PFKP: variants seen among roughly 807,000 people sequenced by gnomAD.
The protein encoded by PFKP is phosphofructokinase, platelet, also known as ATP-dependent 6-phosphofructokinase, platelet type.
A neutral mutation model predicts 94.3 loss-of-function variants in PFKP; 101 were observed. The ratio of observed to expected loss-of-function variants is 1.07; its 90% CI spans 0.91 to 1.26. PFKP has a LOEUF of 1.26. Ranked by LOEUF, PFKP falls within the 50% of genes most tolerant of loss-of-function variation. The pLI, the probability that PFKP is intolerant of heterozygous loss-of-function variation, is 0.00. For missense variants in PFKP, 1,145 were observed against 1,103.3 expected, an observed-to-expected ratio of 1.04 and a Z score of -0.53; for synonymous variants, 573 against 432.6, an observed-to-expected ratio of 1.32 and a Z score of -4.03.
At chr10:3,090,693 C>T (rs988934526) in intron 2 of PFKP, among the ~76,000 whole-genome samples, 1 of 152,102 alleles carries the variant, frequency 6.6e-6, no homozygotes, top group Non-Finnish European at 1.5e-5. Flanking sequence ...CCCCTGTGTC[C>T]ACCTACCCCA....
chr10:3,108,739 C>G lies in PFKP; in HGVS notation c.909C>G (p.Thr303=), dbSNP rs756388785. 1.2e-6 allele frequency: 2 copies of G among 1,613,990 alleles called. No individual in the cohort carries two copies. Among genetic ancestry groups the G allele is most frequent in the Non-Finnish European group, 1.7e-6 (2 of 1,179,940 alleles). The change falls in exon 9 of 22, where the codon ACC becomes ACG. Residue 303 remains threonine, a synonymous_variant. Coordinates refer to ENST00000381125, the MANE Select transcript of PFKP (RefSeq NM_002627.5). Reference sequence around the variant, plus strand: ...AGCTGGGCTATGACACACGTGTGACCATCCTCGGGCACGTGCAGAGAGGAG... The same window carrying G: ...AGCTGGGCTATGACACACGTGTGACGATCCTCGGGCACGTGCAGAGAGGAG... The part of the protein sequence containing the change: ...VTQLGYDTRV[T]ILGHVQRGGT...
chr10:3,119,517 A>G (rs1837179620), intron 15 of PFKP, among the ~76,000 whole-genome samples: 2 of 152,164 alleles, frequency 1.3e-5, no homozygotes, highest in African/African-American at 2.4e-5. Context: ...AGGCAGGAGA[A>G]TCGCTTGAAC....
Position 3,113,454 on chromosome 10 carries a change from G to A in PFKP, c.1307G>A (p.Gly436Asp). 6.2e-7 allele frequency: 1 copy of A among 1,612,804 alleles called. No individual in the cohort carries two copies. The highest frequency in any genetic ancestry group is 8.5e-7 in the Non-Finnish European group (1 of 1,179,618). ...GCCGTACGCTCAGCTGTGCGCGTGG[G>A]CATTGCCGACGGCCACAGGATGCTC... is the stretch of plus-strand genomic sequence containing the variant. ...NAAVRSAVRV[G>D]IADGHRMLAI... The change falls in exon 13 of 22, where the codon GGC becomes GAC. Residue 436 changes from glycine to aspartate, a missense_variant. Gly to Asp is a moderately conservative substitution (Grantham distance 94). This residue lies in a region of PFKP where 1,119 missense variants were observed against 1,062.8 expected (regional missense o/e 1.05). Transcript: ENST00000381125.
chr10:3,121,198 C>T (rs1837362479), intron 16 of PFKP, among the ~76,000 whole-genome samples: 1 of 152,212 alleles, frequency 6.6e-6, no homozygotes, highest in Non-Finnish European at 1.5e-5. Flanking sequence ...TGTTCACTGG[C>T]TTTGGGGGCA....
At chr10:3,075,904 C>CAAAAA (rs577636701) in intron 1 of PFKP, among the ~76,000 whole-genome samples, 1 of 70,336 alleles carries the variant, frequency 1.4e-5, no homozygotes, top group East Asian at 3.8e-4. Flanking sequence ...GACCCTATCG[C>CAAAAA]AAAAAAAAAA....
intron 7 of PFKP, among the ~76,000 whole-genome samples, chr10:3,106,084 C>A (rs565835658): frequency 6.6e-6 from 1 of 152,370 alleles, no homozygotes; most frequent in African/African-American, 2.4e-5. Flanking sequence ...TCCCGACTCT[C>A]TGCTGCTGGA....
chr10:3,101,513 G>A lies in PFKP; in HGVS notation c.413G>A (p.Arg138Gln), dbSNP rs138856118. The change falls in exon 4 of 22, where the codon CGG (arginine) becomes CAG (glutamine). Residue 138 changes from arginine (R) to glutamine (Q), a missense_variant. Transcript: ENST00000381125. ...AGCCTCACCGGGGCCAACCTCTTCC[G>A]GAAGGAGTGGAGTGGGCTGCTGGAG... Reference protein sequence around the residue: ...DGSLTGANLFRKEWSGLLEEL... With the variant: ...DGSLTGANLFQKEWSGLLEEL... The A allele has an allele frequency of 3.8e-5, 61 of 1,586,154 alleles. No homozygotes were observed. The highest frequency in any genetic ancestry group is 2.0e-4 in the Middle Eastern group (1 of 5,048).
intron 18 of PFKP, 90 bp from the exon 19 acceptor site, chr10:3,133,113 G>A (rs1838787632): frequency 1.2e-6 from 1 of 867,912 alleles, no homozygotes; most frequent in East Asian, 2.4e-5. Flanking sequence ...GGGGGATGCG[G>A]GAGTCCAGCC....
At chr10:3,079,751 G>C (rs1333593364) in intron 1 of PFKP, among the ~76,000 whole-genome samples, 3 of 150,922 alleles carry the variant, frequency 2.0e-5, no homozygotes, top group Non-Finnish European at 3.0e-5. Flanking sequence ...TGTTGGCACG[G>C]GCTGTGTTTG....
intron 16 of PFKP, among the ~76,000 whole-genome samples, chr10:3,122,631 C>G (rs1416626592): frequency 6.6e-6 from 1 of 152,244 alleles, no homozygotes; most frequent in African/African-American, 2.4e-5. Context: ...CCGCCGGAGG[C>G]TGAGGACGCA....
chr10:3,113,589 G>T (rs565283659), intron 13 of PFKP, 71 bp downstream of exon 13: 8 of 1,435,684 alleles, frequency 5.6e-6, no homozygotes, highest in African/African-American at 1.4e-5. Flanking sequence ...GCGGCGGGGG[G>T]GTGCCCTCCA....
intron 2 of PFKP, among the ~76,000 whole-genome samples, chr10:3,089,024 C>T (rs995295463): frequency 2.6e-5 from 4 of 152,144 alleles, no homozygotes; most frequent in East Asian, 1.9e-4. Flanking sequence ...CTCTGCCTCC[C>T]GGGTTCAAGC....
intron 2 of PFKP, among the ~76,000 whole-genome samples, chr10:3,097,359 C>T (rs552006120): frequency 1.3e-5 from 2 of 152,214 alleles, no homozygotes; most frequent in South Asian, 2.1e-4. Context: ...GGTCTGCATC[C>T]GACCTCACAC....
At chr10:3,120,792 T>G (rs1837326609) in intron 16 of PFKP, among the ~76,000 whole-genome samples, 2 of 152,168 alleles carry the variant, frequency 1.3e-5, no homozygotes, top group Admixed American at 1.3e-4. Flanking sequence ...CCCGAGTACC[T>G]GGGACCACAG....
chr10:3,079,662 TGGGGGGG>T (rs57588432), intron 1 of PFKP, among the ~76,000 whole-genome samples: 2 of 67,764 alleles, frequency 3.0e-5, no homozygotes, highest in African/African-American at 9.1e-5. Context: ...GAGAGCGGGG[TGGGGGGG>T]GGGGGAAGAG....
chr10:3,074,569 G>T (rs561948766), intron 1 of PFKP, among the ~76,000 whole-genome samples: 1 of 152,202 alleles, frequency 6.6e-6, no homozygotes, highest in Non-Finnish European at 1.5e-5. Context: ...GGGGCACGTG[G>T]CAGGGCAGCC....
intron 14 of PFKP, among the ~76,000 whole-genome samples, chr10:3,118,243 T>G (rs879322741): frequency 4.9e-4 from 75 of 152,066 alleles, no homozygotes; most frequent in Non-Finnish European, 9.9e-4. Context: ...CTGAGGCAGG[T>G]GGATCAGGAG....
At chr10:3,130,836 C>T (rs1295027425) in intron 17 of PFKP, among the ~76,000 whole-genome samples, 2 of 152,218 alleles carry the variant, frequency 1.3e-5, no homozygotes, top group Non-Finnish European at 2.9e-5. Flanking sequence ...GGATTACAGG[C>T]ATGAGCCACC....
intron 16 of PFKP, among the ~76,000 whole-genome samples, chr10:3,121,883 G>A (rs1451645600): frequency 8.0e-6 from 1 of 124,778 alleles, no homozygotes; most frequent in African/African-American, 3.1e-5. Context: ...ATGCAGTGCT[G>A]CAATCGCTAT....
Sources: gnomAD v4.1 joint callset for allele counts (sites outside exome capture counted in the v4.1 genomes callset) on GRCh38, gnomAD v4.1.1 for gene constraint, gnomAD v4.1.1 regional missense constraint, MANE v1.5 for transcripts, NCBI Gene and HGNC (gene_info 2026-07-23, HGNC 2026-07-21) for gene names.